GUCY1A2: variants seen among roughly 807,000 people sequenced by gnomAD.
GUCY1A2 encodes guanylate cyclase 1 soluble subunit alpha 2, also known as guanylate cyclase soluble subunit alpha-2.
Under a neutral mutation model 63.5 loss-of-function variants are expected in GUCY1A2, and 27 were observed. The observed-to-expected ratio is 0.43, with a 90% confidence interval of 0.31 to 0.59. The LOEUF is 0.59. Among genes scored for constraint, GUCY1A2 ranks in the 20% least tolerant of loss-of-function variants. GUCY1A2 has a pLI of 0.11. For missense variants in GUCY1A2, 768 were observed against 913.3 expected, an observed-to-expected ratio of 0.84 and a Z score of 2.05; for synonymous variants, 364 against 343.5, an observed-to-expected ratio of 1.06 and a Z score of -0.66.
chr11:106,925,189 CAGAG>C (rs1226929681), intron 4 of GUCY1A2, among the ~76,000 whole-genome samples: 5 of 151,684 alleles, frequency 3.3e-5, no homozygotes, highest in Non-Finnish European at 7.4e-5. Flanking sequence ...GAAAGAAAGA[CAGAG>C]AGAGAGGAGA....
intron 4 of GUCY1A2, chr11:106,936,724 T>C (rs776662552): frequency 6.6e-7 from 1 of 1,519,486 alleles, no homozygotes; most frequent in Non-Finnish European, 8.8e-7. Context: ...TTGATTTTTT[T>C]TTTTTATGGC....
At chr11:106,767,190 GTGA>G (rs1420209592) in intron 6 of GUCY1A2, among the ~76,000 whole-genome samples, 1 of 152,100 alleles carries the variant, frequency 6.6e-6, no homozygotes, top group East Asian at 1.9e-4. Flanking sequence ...TATCCTCATA[GTGA>G]TGATAATATT....
rs1862457217 is a variant in GUCY1A2, at chr11:106,683,019, T to C, written c.*4530A>G. ...ATTGAGTCCATAGCTGAGGTCAACTTACCCATTTAACAATAAATTTTGTTC... is the reference window on the plus strand; with the variant it reads ...ATTGAGTCCATAGCTGAGGTCAACTCACCCATTTAACAATAAATTTTGTTC... On this transcript the variant is annotated 3_prime_UTR_variant, in exon 8 of 8. Coordinates refer to ENST00000526355, the MANE Select transcript of GUCY1A2 (RefSeq NM_000855.3). 1 of 216,668 alleles carries C rather than the reference T, an allele frequency of 4.6e-6. No homozygotes were observed. The highest frequency in any genetic ancestry group is 2.3e-5 in the African/African-American group (1 of 44,372). 13.4% of individuals were successfully genotyped at this position (216,668 alleles called of 1,614,324 possible).
At chr11:106,755,960 G>A (rs1002553682) in intron 6 of GUCY1A2, among the ~76,000 whole-genome samples, 7 of 152,032 alleles carry the variant, frequency 4.6e-5, no homozygotes, top group African/African-American at 7.2e-5. Context: ...TAAATTCTCC[G>A]ATTACTAATG....
At chr11:106,787,596 A>AGG (rs1321102996) in intron 5 of GUCY1A2, among the ~76,000 whole-genome samples, 6 of 141,902 alleles carry the variant, frequency 4.2e-5, no homozygotes, top group Non-Finnish European at 7.8e-5. Flanking sequence ...AAGGAAGGGA[A>AGG]GGGAAAAAGA....
intron 1 of GUCY1A2, among the ~76,000 whole-genome samples, chr11:107,011,942 G>A (rs903815049): frequency 4.6e-5 from 7 of 152,076 alleles, no homozygotes; most frequent in African/African-American, 1.7e-4. Flanking sequence ...TGCAGTAGAT[G>A]AAGAATGCTT....
At chr11:106,706,206 G>A (rs936091343) in intron 7 of GUCY1A2, among the ~76,000 whole-genome samples, 2 of 152,120 alleles carry the variant, frequency 1.3e-5, no homozygotes, top group African/African-American at 4.8e-5. Flanking sequence ...AAGATAAACA[G>A]GTAATGTTGG....
chr11:107,013,688 C>T (rs1861779114), intron 1 of GUCY1A2, among the ~76,000 whole-genome samples: 1 of 152,066 alleles, frequency 6.6e-6, no homozygotes, highest in South Asian at 2.1e-4. Flanking sequence ...GCTGGGATTA[C>T]AGGCGTGCAT....
At chr11:106,894,615 T>G (rs979085497) in intron 4 of GUCY1A2, among the ~76,000 whole-genome samples, 8 of 152,134 alleles carry the variant, frequency 5.3e-5, no homozygotes, top group African/African-American at 1.9e-4. Context: ...TGGGGTTAAA[T>G]TATGAGTCAG....
Position 106,906,943 on chromosome 11 carries a change from G to A in GUCY1A2, c.1206+32517C>T, listed in dbSNP as rs140092808. ...CACATTGGGGCCTGTCAGAGGGTTGGGGACTAGGGGAGGGATAGCATTAGG... is the reference window on the plus strand; with the variant it reads ...CACATTGGGGCCTGTCAGAGGGTTGAGGACTAGGGGAGGGATAGCATTAGG... On this transcript the variant is annotated intron_variant, in intron 4 of 7. Coordinates refer to ENST00000526355, the MANE Select transcript of GUCY1A2 (RefSeq NM_000855.3). Among the ~76,000 whole-genome samples, 631 of 152,184 alleles carry A rather than the reference G, an allele frequency of 4.1e-3. 1 individual carries two copies. Among genetic ancestry groups the A allele is most frequent in the African/African-American group, 0.014 (600 of 41,544 alleles).
intron 6 of GUCY1A2, among the ~76,000 whole-genome samples, chr11:106,715,780 C>T: frequency 6.6e-6 from 1 of 152,298 alleles, no homozygotes; most frequent in South Asian, 2.1e-4. Context: ...TACATCCAAT[C>T]TTAATCACAG....
At chr11:106,731,424 A>G (rs544271546) in intron 6 of GUCY1A2, among the ~76,000 whole-genome samples, 2 of 152,294 alleles carry the variant, frequency 1.3e-5, no homozygotes, top group East Asian at 3.9e-4. Context: ...TCCACAATCA[A>G]CATCATACTG....
At chr11:107,014,866 T>A (rs1442974654) in intron 1 of GUCY1A2, among the ~76,000 whole-genome samples, 1 of 151,892 alleles carries the variant, frequency 6.6e-6, no homozygotes, top group Non-Finnish European at 1.5e-5. Flanking sequence ...GAAATTCCCA[T>A]CTAAAAAGGC....
intron 4 of GUCY1A2, among the ~76,000 whole-genome samples, chr11:106,848,988 G>A (rs1481549059): frequency 6.6e-6 from 1 of 151,568 alleles, no homozygotes; most frequent in Non-Finnish European, 1.5e-5. Context: ...CTATTTCACA[G>A]AGCTACCATT....
At chr11:106,906,206 C>A (rs571788367) in intron 4 of GUCY1A2, among the ~76,000 whole-genome samples, 1 of 152,152 alleles carries the variant, frequency 6.6e-6, no homozygotes, top group East Asian at 1.9e-4. Context: ...TGACAAAGGG[C>A]TAATATCCAC....
chr11:106,955,099 A>G (rs1860965623), intron 3 of GUCY1A2, among the ~76,000 whole-genome samples: 1 of 152,068 alleles, frequency 6.6e-6, no homozygotes. Context: ...CAGCCTCTCA[A>G]GTAGCTGGGA....
At chr11:107,004,028 T>C (rs2120189873) in intron 1 of GUCY1A2, among the ~76,000 whole-genome samples, 1 of 152,304 alleles carries the variant, frequency 6.6e-6, no homozygotes, top group East Asian at 1.9e-4. Context: ...TGGTGATTAA[T>C]CATGGGAATG....
chr11:106,722,790 G>C (rs1591247923), intron 6 of GUCY1A2, among the ~76,000 whole-genome samples: 1 of 60,516 alleles, frequency 1.7e-5, no homozygotes, highest in African/African-American at 5.5e-5. Context: ...AGTTCTGTGT[G>C]TGTGTGTGTG....
chr11:106,796,573 T>C (rs11211913), intron 5 of GUCY1A2, among the ~76,000 whole-genome samples: 57,300 of 151,948 alleles, frequency 0.38, 10,895 homozygotes, highest in African/African-American at 0.41. Flanking sequence ...GGTTGAAAAT[T>C]CTTTTCTTTA....
Sources: gnomAD v4.1 joint callset for allele counts (sites outside exome capture counted in the v4.1 genomes callset) on GRCh38, gnomAD v4.1.1 for gene constraint, MANE v1.5 for transcripts, NCBI Gene and HGNC (gene_info 2026-07-23, HGNC 2026-07-21) for gene names.